The following LRMDA variants were observed in gnomAD, a reference collection of about 807,000 sequenced individuals.
LRMDA encodes the protein leucine-rich melanocyte differentiation-associated protein.
In LRMDA, 18 loss-of-function variants were observed where a neutral mutation model predicts 29.8. The observed-to-expected ratio is 0.60, with a 90% CI of 0.42 to 0.90. The LOEUF (loss-of-function observed/expected upper bound fraction) is 0.90, where lower values mean the gene tolerates loss of function less well. Ranked by LOEUF, LRMDA falls within the 40% of genes least tolerant of loss-of-function variation. LRMDA has a pLI of 0.00. For missense variants in LRMDA, 273 were observed against 273.9 expected (o/e 1.00, Z 0.02); for synonymous variants, 125 against 109.4 (o/e 1.14, Z -0.89).
rs552867463 is a variant in LRMDA, at chr10:75,551,736, G to T, written c.131+113242G>T. Among the ~76,000 whole-genome samples, 276 of 152,052 alleles carry T rather than the reference G, an allele frequency of 1.8e-3. 5 individuals are homozygous for T. The highest frequency in any genetic ancestry group is 1.4e-3 in the Non-Finnish European group (94 of 67,956). ...ATTGAGTCAGCTATTTTTTTTGAGA[G>T]GCTAAAATTAAGAAAAAATTTGCTG... On this transcript the variant is annotated intron_variant, in intron 2 of 6. Coordinates refer to ENST00000611255, the MANE Select transcript of LRMDA (RefSeq NM_001305581.2).
At chr10:75,628,735 C>T (rs1841282632) in intron 2 of LRMDA, among the ~76,000 whole-genome samples, 3 of 152,202 alleles carry the variant, frequency 2.0e-5, no homozygotes, top group African/African-American at 7.2e-5. Flanking sequence ...CCTCTGACAG[C>T]CGGCACCACC....
At chr10:75,821,725 C>T (rs561008595) in intron 2 of LRMDA, among the ~76,000 whole-genome samples, 3 of 152,084 alleles carry the variant, frequency 2.0e-5, no homozygotes, top group African/African-American at 4.8e-5. Flanking sequence ...GCCGAGATCA[C>T]GCCACTGCAC....
At chr10:76,323,549 G>A (rs563088679) in intron 5 of LRMDA, among the ~76,000 whole-genome samples, 1 of 152,032 alleles carries the variant, frequency 6.6e-6, no homozygotes, top group South Asian at 2.1e-4. Context: ...GAGTTACAGC[G>A]GTAATGCTTC....
intron 5 of LRMDA, among the ~76,000 whole-genome samples, chr10:76,105,989 C>A (rs1388213176): frequency 6.6e-6 from 1 of 152,144 alleles, no homozygotes; most frequent in Non-Finnish European, 1.5e-5. Flanking sequence ...TCAGGTAATC[C>A]ACCCACCTCA....
At chr10:75,573,938 C>T (rs1248233702) in intron 2 of LRMDA, among the ~76,000 whole-genome samples, 2 of 151,834 alleles carry the variant, frequency 1.3e-5, no homozygotes, top group Non-Finnish European at 2.9e-5. Context: ...CATGACTTTA[C>T]ATACACTAAT....
chr10:76,169,963 A>G (rs1850805702), intron 5 of LRMDA, among the ~76,000 whole-genome samples: 1 of 152,120 alleles, frequency 6.6e-6, no homozygotes, highest in Admixed American at 6.5e-5. Context: ...TTACCCTTGG[A>G]TGATGGCCAT....
rs369805853 is a variant in LRMDA at position 75,807,447 on chromosome 10, C to T, written c.132-228561C>T. Among the ~76,000 whole-genome samples the T allele has an allele frequency of 3.3e-5, 5 of 152,356 alleles. No homozygotes were observed. The East Asian group carries it at 9.6e-4, about 29-fold the overall frequency. On this transcript the variant is annotated intron_variant, in intron 2 of 6. Coordinates refer to ENST00000611255, the MANE Select transcript of LRMDA (RefSeq NM_001305581.2). ...AAATTCAGTGCTTCCCCCAAGCAGC[C>T]TAGCTCCTTCAAATGGCAAATTATT...
intron 2 of LRMDA, among the ~76,000 whole-genome samples, chr10:75,586,011 CT>C (rs546063564): frequency 2.0e-5 from 3 of 152,052 alleles, no homozygotes; most frequent in African/African-American, 4.8e-5. Context: ...AATTTCCTCC[CT>C]TTTTTTTAAG....
chr10:76,173,525 G>T (rs1457582164), intron 5 of LRMDA, among the ~76,000 whole-genome samples: 1 of 152,186 alleles, frequency 6.6e-6, no homozygotes, highest in Non-Finnish European at 1.5e-5. Flanking sequence ...TATCAATGAT[G>T]TTGAAAATGT....
intron 5 of LRMDA, among the ~76,000 whole-genome samples, chr10:76,124,117 C>A (rs1470633030): frequency 1.3e-5 from 2 of 152,238 alleles, no homozygotes; most frequent in East Asian, 3.8e-4. Flanking sequence ...CCAACCATGA[C>A]TCTCTGTGTC....
At chr10:75,466,526 AC>A (rs2132041796) in intron 2 of LRMDA, among the ~76,000 whole-genome samples, 1 of 152,258 alleles carries the variant, frequency 6.6e-6, no homozygotes, top group South Asian at 2.1e-4. Flanking sequence ...GCATTAACAT[AC>A]CTTTATAGAC....
At chr10:75,976,195 T>C (rs1003572990) in intron 2 of LRMDA, among the ~76,000 whole-genome samples, 1 of 152,264 alleles carries the variant, frequency 6.6e-6, no homozygotes, top group Admixed American at 6.5e-5. Flanking sequence ...CTCTACTCTG[T>C]ACATGCCAGG....
At chr10:75,693,447 G>T (rs1564542111) in intron 2 of LRMDA, among the ~76,000 whole-genome samples, 1 of 152,188 alleles carries the variant, frequency 6.6e-6, no homozygotes, top group East Asian at 1.9e-4. Context: ...TGTGCTTGGA[G>T]AAATTTGTTA....
At chr10:75,892,354 G>A (rs1343142482) in intron 2 of LRMDA, among the ~76,000 whole-genome samples, 1 of 152,170 alleles carries the variant, frequency 6.6e-6, no homozygotes, top group Non-Finnish European at 1.5e-5. Context: ...GCTCAGCCCA[G>A]GGAGCTCTGG....
At chr10:75,699,990 A>G (rs770464899) in intron 2 of LRMDA, among the ~76,000 whole-genome samples, 6 of 152,134 alleles carry the variant, frequency 3.9e-5, no homozygotes, top group Non-Finnish European at 8.8e-5. Context: ...CTGGAAGAAG[A>G]AGGAATGGGT....
chr10:76,145,123 T>G (rs1199381945), intron 5 of LRMDA, among the ~76,000 whole-genome samples: 1 of 152,220 alleles, frequency 6.6e-6, no homozygotes, highest in Non-Finnish European at 1.5e-5. Flanking sequence ...TTTGCATCAA[T>G]GTTCGTCAAG....
At position 76,324,464 on chromosome 10, in the gene LRMDA, A is replaced by C; in HGVS notation, c.580A>C (p.Arg194=). 1 of 1,614,026 alleles carries C rather than the reference A, an allele frequency of 6.2e-7. No homozygotes were observed. The highest frequency in any genetic ancestry group is 8.5e-7 in the Non-Finnish European group (1 of 1,180,002). Residue 194 remains arginine, a synonymous_variant, in exon 6 of 7, where the codon AGG becomes CGG. Transcript: ENST00000611255. ...RHYTPLPSAS[R]ELTSHQGVLG... ...CTACACGCCCTTGCCTTCTGCTTCC[A>C]GGGAACTCACCAGTCACCAAGGTTG...
rs1360744518 is a variant in LRMDA at position 76,144,246 on chromosome 10, G to T, written c.516+85463G>T. On this transcript the variant is annotated intron_variant, in intron 5 of 6. Coordinates refer to ENST00000611255, the MANE Select transcript of LRMDA (RefSeq NM_001305581.2). ...CTGTGAAGAAAGCCATTGGTAGCTT[G>T]ATGGAGATGGCATTGAATCTATAAA... Among the ~76,000 whole-genome samples the T allele has an allele frequency of 3.3e-5, 5 of 152,346 alleles. No homozygotes were observed. The East Asian group carries it at 5.8e-4, about 18-fold the overall frequency.
chr10:75,787,627 A>C (rs908385447), intron 2 of LRMDA, among the ~76,000 whole-genome samples: 22 of 152,226 alleles, frequency 1.4e-4, no homozygotes, highest in Non-Finnish European at 5.9e-5. Flanking sequence ...TTGCCTTTTA[A>C]ATTTTGTAAA....
Sources: allele counts gnomAD v4.1 joint callset (sites outside exome capture counted in the v4.1 genomes callset), GRCh38; gene constraint gnomAD v4.1.1; transcripts MANE v1.5; gene names NCBI Gene and HGNC (gene_info 2026-07-23, HGNC 2026-07-21).